The following GRB10 variants were observed in gnomAD, a reference collection of about 807,000 sequenced individuals.
The protein encoded by GRB10 is growth factor receptor bound protein 10.
Under a neutral mutation model 80.9 loss-of-function variants are expected in GRB10, and 20 were observed. The ratio of observed to expected loss-of-function variants is 0.25; its 90% CI spans 0.17 to 0.36. GRB10 has a LOEUF of 0.36. GRB10 is among the 10% of genes least tolerant of loss of function. GRB10 has a pLI of 1.00. For synonymous variants in GRB10, 291 were observed against 291.5 expected (o/e 1.00, Z 0.02); for missense variants, 548 against 747.7 (o/e 0.73, Z 3.12).
intron 6 of GRB10, among the ~76,000 whole-genome samples, chr7:50,673,694 C>T (rs117605795): frequency 0.02 from 2,972 of 152,272 alleles, 47 homozygotes; most frequent in Non-Finnish European, 0.03. Context: ...CCCCCACGAC[C>T]CCTGGCAACC....
Position 50,689,816 on chromosome 7 carries a change from G to T in GRB10, c.139+14005C>A, listed in dbSNP as rs553074986. On this transcript the variant is annotated intron_variant, in intron 5 of 18. Coordinates refer to ENST00000401949, the MANE Select transcript of GRB10 (RefSeq NM_001350814.2). ...TACATTCTGTAGCAAATGACAGAGG[G>T]TTTTTTTTTTTATTTTTTACTTGTA... Among the ~76,000 whole-genome samples, 12 of 146,586 alleles carry T rather than the reference G, an allele frequency of 8.2e-5. No homozygotes were observed. In the South Asian group the frequency reaches 1.3e-3, roughly 16 times the overall value.
chr7:50,753,019 AC>A (rs2074406260), intron 3 of GRB10, among the ~76,000 whole-genome samples: 1 of 152,188 alleles, frequency 6.6e-6, no homozygotes, highest in Admixed American at 6.5e-5. Flanking sequence ...TGACCCCAAA[AC>A]AAACAGGGCT....
chr7:50,660,335 AAGGG>A (rs1389858031), intron 7 of GRB10, among the ~76,000 whole-genome samples: 1 of 152,060 alleles, frequency 6.6e-6, no homozygotes, highest in East Asian at 1.9e-4. Flanking sequence ...TTCATGCAGG[AAGGG>A]AGGTAGGGCA....
At chr7:50,674,344 TC>T in intron 6 of GRB10, 91 bp downstream of exon 6, 9 of 1,250,832 alleles carry the variant, frequency 7.2e-6, no homozygotes, top group Non-Finnish European at 1.0e-5. Context: ...CCAACACTAT[TC>T]CCCCCAACAC....
At chr7:50,686,892 T>C (rs2062160331) in intron 5 of GRB10, among the ~76,000 whole-genome samples, 2 of 152,244 alleles carry the variant, frequency 1.3e-5, no homozygotes, top group South Asian at 4.1e-4. Context: ...TTAATAATTT[T>C]CTTTAGTTTT....
intron 7 of GRB10, among the ~76,000 whole-genome samples, chr7:50,658,991 A>AAT (rs1299454788): frequency 2.6e-5 from 4 of 152,216 alleles, no homozygotes; most frequent in Non-Finnish European, 4.4e-5. Flanking sequence ...AAAAGTCTAA[A>AAT]AAAGTGAGGA....
At chr7:50,740,801 C>A in intron 3 of GRB10, among the ~76,000 whole-genome samples, 1 of 148,664 alleles carries the variant, frequency 6.7e-6, no homozygotes, top group Admixed American at 6.7e-5. Flanking sequence ...TTCTCCTTTT[C>A]AAAATAATAT....
In GRB10 at chr7:50,741,545, T is replaced by C. The variant is rs188169964; in HGVS notation, c.-46-9177A>G. On this transcript the variant is annotated intron_variant, in intron 3 of 18. Transcript: ENST00000401949. Reference sequence around the variant, plus strand: ...TAAAGAAAACCAGAAATTAGGAACATGTGTTTAAAAAAAAAAAAAAAAAAA... The same window carrying C: ...TAAAGAAAACCAGAAATTAGGAACACGTGTTTAAAAAAAAAAAAAAAAAAA... Among the ~76,000 whole-genome samples, 1,242 of 140,168 alleles carry C rather than the reference T, an allele frequency of 8.9e-3. 7 individuals are homozygous for C. The highest frequency in any genetic ancestry group is 0.016 in the Non-Finnish European group (1,034 of 65,290). The allele number at this position is 140,168 out of a possible 152,430, so 92.0% of individuals were successfully genotyped here.
chr7:50,673,932 G>A (rs141228010), intron 6 of GRB10, among the ~76,000 whole-genome samples: 5 of 152,210 alleles, frequency 3.3e-5, no homozygotes, highest in South Asian at 2.1e-4. Context: ...TCCCCAGCAC[G>A]TTCCTCCCTC....
chr7:50,754,967 A>C (rs1383188902), intron 3 of GRB10, among the ~76,000 whole-genome samples: 1 of 152,240 alleles, frequency 6.6e-6, no homozygotes, highest in Non-Finnish European at 1.5e-5. Flanking sequence ...CAGAGGGAAG[A>C]GCAGGTGAGG....
chr7:50,661,760 G>A lies in GRB10; in HGVS notation c.504+7962C>T, dbSNP rs190915067. On this transcript the variant is annotated intron_variant, in intron 7 of 18. Transcript: ENST00000401949. ...GTGGGGTCAGTGCGCCCCACATGTT[G>A]CCTCAGTTGCCCTTGCCACCACTTC... is the stretch of plus-strand genomic sequence containing the variant. Among the ~76,000 whole-genome samples the A allele has an allele frequency of 2.2e-3, 330 of 152,270 alleles. 2 individuals are homozygous for A. The highest frequency in any genetic ancestry group is 3.5e-3 in the Non-Finnish European group (237 of 68,020).
At position 50,590,328 on chromosome 7, in the gene GRB10, C is replaced by T. The variant is rs988710719; in HGVS notation, c.*2624G>A. 7.9e-5 allele frequency: 12 copies of T among 152,224 alleles called. No homozygotes were observed. The highest frequency in any genetic ancestry group is 1.2e-4 in the Non-Finnish European group (8 of 68,050). The allele number at this position is 152,224 out of a possible 1,614,324, so 9.4% of individuals were successfully genotyped here. ...ATCACAAATCTACCGCCAGCTTGCC[C>T]GCCCCCAGAAAGGCGCAGAGATCGG... On this transcript the variant is annotated 3_prime_UTR_variant, in exon 19 of 19. Transcript: ENST00000401949.
rs565228702 is a variant in GRB10 at position 50,708,267 on chromosome 7, G to C, written c.52-4359C>G. ...GCTCATTTGTTTATGAAATTCCAAG[G>C]TCAAAACAGAAATGTACCTTCTTTA... is the stretch of plus-strand genomic sequence containing the variant. On this transcript the variant is annotated intron_variant, in intron 4 of 18. Transcript: ENST00000401949. Among the ~76,000 whole-genome samples the C allele has an allele frequency of 2.0e-5, 3 of 152,006 alleles. No homozygotes were observed. In the South Asian group the frequency reaches 6.2e-4, roughly 32 times the overall value.
chr7:50,637,811 C>T (rs2055359667), intron 7 of GRB10, among the ~76,000 whole-genome samples: 1 of 148,916 alleles, frequency 6.7e-6, no homozygotes, highest in South Asian at 2.2e-4. Flanking sequence ...AATTACATGG[C>T]TCAAGGAACT....
intron 17 of GRB10, 116 bp from the exon 18 acceptor site, chr7:50,595,646 G>A: frequency 3.7e-6 from 2 of 534,862 alleles, no homozygotes; most frequent in Non-Finnish European, 6.6e-6. Context: ...CAGGCTTGGA[G>A]CCACAATGCT....
intron 5 of GRB10, among the ~76,000 whole-genome samples, chr7:50,696,305 T>A (rs745780937): frequency 2.6e-4 from 40 of 152,020 alleles, no homozygotes; most frequent in Non-Finnish European, 3.4e-4. Context: ...CCAGCAAGAG[T>A]TACTTCTTAA....
At chr7:50,712,435 G>T (rs1323298409) in intron 4 of GRB10, among the ~76,000 whole-genome samples, 2 of 152,224 alleles carry the variant, frequency 1.3e-5, no homozygotes, top group Admixed American at 1.3e-4. Context: ...CAAGGGGGAT[G>T]CTCTTTACTT....
chr7:50,766,787 T>C (rs2076384658), intron 2 of GRB10, among the ~76,000 whole-genome samples: 1 of 152,238 alleles, frequency 6.6e-6, no homozygotes. Context: ...CATTCTATTC[T>C]AAAGATGATG....
chr7:50,629,431 G>A (rs971021830), intron 7 of GRB10, among the ~76,000 whole-genome samples: 8 of 152,206 alleles, frequency 5.3e-5, no homozygotes, highest in South Asian at 4.1e-4. Context: ...CTGGGCTGGC[G>A]AGACCCTGAG....
Sources: gnomAD v4.1 joint callset for allele counts (sites outside exome capture counted in the v4.1 genomes callset) on GRCh38, gnomAD v4.1.1 for gene constraint, MANE v1.5 for transcripts, NCBI Gene and HGNC (gene_info 2026-07-23, HGNC 2026-07-21) for gene names.